The following DMXL2 variants were observed in gnomAD, a reference collection of about 807,000 sequenced individuals.
DMXL2 encodes Dmx like 2, also known as dmX-like protein 2.
A neutral mutation model predicts 331.1 loss-of-function variants in DMXL2; 103 were observed. The ratio of observed to expected loss-of-function variants is 0.31; its 90% CI spans 0.27 to 0.37. The LOEUF (loss-of-function observed/expected upper bound fraction) is 0.37, where lower values mean the gene tolerates loss of function less well. Ranked by LOEUF, DMXL2 falls within the 10% of genes least tolerant of loss-of-function variation. The probability of loss-of-function intolerance (pLI) is 1.00; values close to 1 mark genes in which losing one functional copy is unlikely to be tolerated. For missense variants in DMXL2, 3,171 were observed against 3,642.9 expected, an observed-to-expected ratio of 0.87 and a Z score of 3.33; for synonymous variants, 1,281 against 1,252.1, an observed-to-expected ratio of 1.02 and a Z score of -0.49.
Position 51,545,646 on chromosome 15 carries a change from G to C in DMXL2, c.867C>G (p.Ser289=). The C allele has an allele frequency of 6.2e-7, 1 of 1,613,694 alleles. No individual in the cohort carries two copies. Among genetic ancestry groups the C allele is most frequent in the East Asian group, 2.2e-5 (1 of 44,862 alleles). ...LGEQICETTT[S]SIASSLSHAG... ...CATGAGAAAGGCTGCTGGCAATGCT[G>C]GAAGTGGTAGTCTCACAAATCTGCT... Residue 289 remains serine (S), a synonymous_variant, in exon 8 of 44, where the codon TCC becomes TCG. Transcript: ENST00000560891.
At chr15:51,568,431 T>G (rs777802063) in intron 3 of DMXL2, 56 bp downstream of exon 3, 2 of 1,198,490 alleles carry the variant, frequency 1.7e-6, no homozygotes, top group South Asian at 1.5e-5. Flanking sequence ...TTAACATCAA[T>G]TGGATTCTAA....
intron 13 of DMXL2, among the ~76,000 whole-genome samples, chr15:51,518,073 T>C (rs1312433247): frequency 6.6e-6 from 1 of 152,176 alleles, no homozygotes; most frequent in East Asian, 1.9e-4. Context: ...GGCTCACACC[T>C]GTAATTCCAG....
intron 1 of DMXL2, among the ~76,000 whole-genome samples, chr15:51,620,563 G>A (rs1437893448): frequency 5.9e-5 from 9 of 152,184 alleles, no homozygotes; most frequent in South Asian, 2.1e-4. Context: ...ATATTCTTAA[G>A]CCAAGAGTAA....
In DMXL2 at chr15:51,495,134, C is replaced by G. The variant is rs1441887112; in HGVS notation, c.4673G>C (p.Gly1558Ala). 1.2e-6 allele frequency: 2 copies of G among 1,600,570 alleles called. No individual in the cohort carries two copies. The highest frequency in any genetic ancestry group is 2.2e-5 in the East Asian group (1 of 44,730). Residue 1558 changes from glycine to alanine, a missense_variant and splice_region_variant, in exon 19 of 44, where the codon GGA (glycine) becomes GCA (alanine). By Grantham distance (60) the Gly-to-Ala change is moderately conservative (BLOSUM62 0). This residue lies in a region of DMXL2 where 252 missense variants were observed against 387.4 expected (regional missense o/e 0.65). Coordinates refer to ENST00000560891, the MANE Select transcript of DMXL2 (RefSeq NM_001378457.1). Reference protein sequence around the residue: ...LDESRDKSCSGRDTLDECGLR... With the variant: ...LDESRDKSCSARDTLDECGLR... ...ACCACACTCATCTAATGTATCTCTT[C>G]CTGTAATTTAAACAGGAAATATGTT...
At chr15:51,464,039 CAA>C (rs1475345680) in intron 32 of DMXL2, among the ~76,000 whole-genome samples, 1 of 151,906 alleles carries the variant, frequency 6.6e-6, no homozygotes, top group African/African-American at 2.4e-5. Flanking sequence ...AAATTACTGA[CAA>C]AAGTCAGAAG....
At chr15:51,473,534 A>G (rs1043859445) in intron 28 of DMXL2, among the ~76,000 whole-genome samples, 2 of 152,220 alleles carry the variant, frequency 1.3e-5, no homozygotes, top group African/African-American at 4.8e-5. Flanking sequence ...CTCCCTTACA[A>G]TGACTTACAC....
intron 6 of DMXL2, among the ~76,000 whole-genome samples, chr15:51,549,432 A>T (rs1382352381): frequency 2.0e-5 from 3 of 152,140 alleles, no homozygotes; most frequent in Admixed American, 2.0e-4. Flanking sequence ...ATGCATGTGC[A>T]AGTATCTTTT....
chr15:51,451,698 C>T lies in DMXL2; in HGVS notation c.8697-1G>A. ...TAATGTGTCCCAGAGGCAAACATTT[C>T]TTTTAAAGAAACACAATAACAAAAA... On this transcript the variant is annotated splice_acceptor_variant, in intron 41 of 43. Transcript: ENST00000560891. LOFTEE classifies it high-confidence loss of function. 1 of 1,611,956 alleles carries T rather than the reference C, an allele frequency of 6.2e-7. No homozygotes were observed.
intron 1 of DMXL2, among the ~76,000 whole-genome samples, chr15:51,621,938 T>A (rs984949154): frequency 1.3e-5 from 2 of 152,106 alleles, no homozygotes; most frequent in Non-Finnish European, 2.9e-5. Flanking sequence ...AGATACAGAG[T>A]CAGGCTTAAA....
At position 51,617,895 on chromosome 15, in the gene DMXL2, G is replaced by A. The variant is rs2054383272; in HGVS notation, c.87+4564C>T. On this transcript the variant is annotated intron_variant, in intron 1 of 43. Coordinates refer to ENST00000560891, the MANE Select transcript of DMXL2 (RefSeq NM_001378457.1). ...GCAAGAAGGCTAATTAACAATCTAC[G>A]CAGGGACATAAGAACTTATAAACCC... Among the ~76,000 whole-genome samples, 3 of 152,204 alleles carry A rather than the reference G, an allele frequency of 2.0e-5. No homozygotes were observed. In the South Asian group the frequency reaches 6.2e-4, roughly 32 times the overall value.
intron 1 of DMXL2, among the ~76,000 whole-genome samples, chr15:51,596,917 G>A (rs1336346453): frequency 1.3e-5 from 2 of 152,110 alleles, no homozygotes; most frequent in African/African-American, 2.4e-5. Context: ...ACCGGGGCCT[G>A]TTGTGAGGTG....
rs573264387 is a variant in DMXL2 at position 51,459,544 on chromosome 15, G to A, written c.7989+54C>T. ...TCATGGTTAGTATCAGAGATGAGGC[G>A]TTAGCTCCTTGAACTTTAAAGAATG... On this transcript the variant is annotated intron_variant, in intron 34 of 43. Coordinates refer to ENST00000560891, the MANE Select transcript of DMXL2 (RefSeq NM_001378457.1). The A allele has an allele frequency of 3.8e-3, 4,821 of 1,272,094 alleles. 11 individuals carry two copies. Among genetic ancestry groups the A allele is most frequent in the Non-Finnish European group, 4.5e-3 (4,352 of 972,902 alleles). 78.8% of individuals were successfully genotyped at this position (1,272,094 alleles called of 1,614,324 possible). A position where few individuals can be genotyped will look rare whatever the true frequency, so the allele number is the denominator to read the frequency against.
At position 51,536,151 on chromosome 15, in the gene DMXL2, A is replaced by G. The variant is rs1422996836; in HGVS notation, c.2314+15T>C. On this transcript the variant is annotated intron_variant, in intron 12 of 43. Coordinates refer to ENST00000560891, the MANE Select transcript of DMXL2 (RefSeq NM_001378457.1). ...AAAAGCTTGTGTTAATTTCACAATT[A>G]CAATGAACACTTACCTAGACAGTAA... 1 of 1,528,456 alleles carries G rather than the reference A, an allele frequency of 6.5e-7. No homozygotes were observed. Among genetic ancestry groups the G allele is most frequent in the South Asian group, 1.3e-5 (1 of 77,490 alleles). The allele number at this position is 1,528,456 out of a possible 1,614,324, so 94.7% of individuals were successfully genotyped here.
At chr15:51,463,544 A>G (rs748154352) in intron 32 of DMXL2, 48 bp from the exon 33 acceptor site, 3 of 1,077,146 alleles carry the variant, frequency 2.8e-6, no homozygotes. Context: ...TATAGAAAAT[A>G]TGTTTATATT....
At chr15:51,509,368 A>C (rs1449034227) in intron 15 of DMXL2, among the ~76,000 whole-genome samples, 1 of 152,312 alleles carries the variant, frequency 6.6e-6, no homozygotes, top group East Asian at 1.9e-4. Context: ...AAAATGATAA[A>C]GGGGCTATCA....
intron 1 of DMXL2, among the ~76,000 whole-genome samples, chr15:51,597,651 C>T (rs1567169335): frequency 6.6e-6 from 1 of 152,150 alleles, no homozygotes. Flanking sequence ...CTAGAATATA[C>T]ACACAAAAGA....
intron 2 of DMXL2, 108 bp downstream of exon 2, chr15:51,575,948 G>A: frequency 8.9e-7 from 1 of 1,129,828 alleles, no homozygotes; most frequent in East Asian, 2.4e-5. Flanking sequence ...AATCACCCAA[G>A]CAATACATAA....
chr15:51,494,663 T>C (rs774657524), intron 19 of DMXL2, among the ~76,000 whole-genome samples: 6 of 152,094 alleles, frequency 3.9e-5, no homozygotes, highest in Non-Finnish European at 7.4e-5. Context: ...AAAGTAAATA[T>C]AAAAACACAT....
At chr15:51,484,651 T>G (rs1047860819) in intron 23 of DMXL2, among the ~76,000 whole-genome samples, 3 of 151,448 alleles carry the variant, frequency 2.0e-5, no homozygotes, top group African/African-American at 7.3e-5. Context: ...ACACCAACCA[T>G]GAGAAAGCAA....
Sources: allele counts gnomAD v4.1 joint callset (sites outside exome capture counted in the v4.1 genomes callset), GRCh38; gene constraint gnomAD v4.1.1; regional missense constraint gnomAD v4.1.1; transcripts MANE v1.5; gene names NCBI Gene and HGNC (gene_info 2026-07-23, HGNC 2026-07-21).